Variants in SESN3 observed in about 807,000 individuals in gnomAD.
The protein encoded by SESN3 is sestrin 3.
SESN3 carries 21 observed loss-of-function variants against 55.3 expected under a neutral mutation model. The ratio of observed to expected loss-of-function variants is 0.38; its 90% CI spans 0.27 to 0.55. The LOEUF is 0.55. Among genes scored for constraint, SESN3 ranks in the 20% least tolerant of loss-of-function variants. The probability of loss-of-function intolerance (pLI) is 0.76; values close to 1 mark genes in which losing one functional copy is unlikely to be tolerated. For missense variants in SESN3, 408 were observed against 604.3 expected, an observed-to-expected ratio of 0.68 and a Z score of 3.41; for synonymous variants, 181 against 203.1, an observed-to-expected ratio of 0.89 and a Z score of 0.93.
At chr11:95,185,611 T>C (rs1003406501) in intron 4 of SESN3, 119 bp from the exon 5 acceptor site, 101 of 681,330 alleles carry the variant, frequency 1.5e-4, no homozygotes, top group Non-Finnish European at 2.2e-4. Flanking sequence ...TAAAACTCTC[T>C]TTTAAAAATG....
rs11021065 is a variant in SESN3, at chr11:95,175,494, G to T, written c.1392+4C>A. On this transcript the variant is annotated splice_donor_region_variant and intron_variant, in intron 9 of 9. Coordinates refer to ENST00000536441, the MANE Select transcript of SESN3 (RefSeq NM_144665.4). The stretch of plus-strand genomic sequence containing the variant: ...GGTATAATGCTTAATACTGAAACAC[G>T]TACTTTTTCTGAGTGTTTGAACTGC... 0.31 allele frequency: 495,673 copies of T among 1,609,750 alleles called. 78,154 individuals carry two copies. The highest frequency in any genetic ancestry group is 0.35 in the Admixed American group (20,736 of 59,946).
intron 6 of SESN3, among the ~76,000 whole-genome samples, chr11:95,183,629 C>A (rs1860096272): frequency 6.7e-6 from 1 of 149,708 alleles, no homozygotes; most frequent in South Asian, 2.1e-4. Context: ...TTGCAGTGAG[C>A]CAAGATCACG....
chr11:95,214,483 T>C (rs993142425), intron 1 of SESN3, among the ~76,000 whole-genome samples: 1 of 152,228 alleles, frequency 6.6e-6, no homozygotes, highest in African/African-American at 2.4e-5. Context: ...CTATGGTCCA[T>C]ATATAATACA....
intron 6 of SESN3, 77 bp downstream of exon 6, chr11:95,184,343 A>C: frequency 8.6e-7 from 1 of 1,164,130 alleles, no homozygotes; most frequent in Non-Finnish European, 1.3e-6. Context: ...ATTTTTACAT[A>C]TCCACATGGA....
intron 1 of SESN3, among the ~76,000 whole-genome samples, chr11:95,210,743 A>G (rs907308960): frequency 6.6e-6 from 1 of 152,236 alleles, no homozygotes; most frequent in Non-Finnish European, 1.5e-5. Context: ...TTATTCCAAT[A>G]TACTAGATTC....
At chr11:95,212,699 C>T (rs1040306805) in intron 1 of SESN3, among the ~76,000 whole-genome samples, 2 of 152,054 alleles carry the variant, frequency 1.3e-5, no homozygotes, top group African/African-American at 4.8e-5. Context: ...ATTGATATGA[C>T]AACATAAAAA....
chr11:95,222,896 CTG>C (rs1382705969), intron 1 of SESN3, among the ~76,000 whole-genome samples: 1 of 152,158 alleles, frequency 6.6e-6, no homozygotes, highest in Non-Finnish European at 1.5e-5. Flanking sequence ...TTTAAGGAAA[CTG>C]TTATGGGGAC....
chr11:95,200,554 C>A (rs1271065971), intron 1 of SESN3, among the ~76,000 whole-genome samples: 1 of 152,010 alleles, frequency 6.6e-6, no homozygotes, highest in Admixed American at 6.6e-5. Context: ...CAAGGAACCA[C>A]TGAGGATCAG....
At chr11:95,218,532 G>A (rs1448686699) in intron 1 of SESN3, among the ~76,000 whole-genome samples, 1 of 151,928 alleles carries the variant, frequency 6.6e-6, no homozygotes, top group Non-Finnish European at 1.5e-5. Flanking sequence ...CTGAAGGCCA[G>A]GAAAAGGTAA....
chr11:95,218,744 G>A (rs557532280), intron 1 of SESN3, among the ~76,000 whole-genome samples: 33 of 149,316 alleles, frequency 2.2e-4, no homozygotes, highest in Admixed American at 8.1e-4. Flanking sequence ...TCCGCCTCCC[G>A]GGTTCACGGC....
chr11:95,210,411 ATGGAAG>A (rs1265969144), intron 1 of SESN3, among the ~76,000 whole-genome samples: 1 of 152,214 alleles, frequency 6.6e-6, no homozygotes, highest in Non-Finnish European at 1.5e-5. Context: ...AAAATTGCTT[ATGGAAG>A]TGGTTACTGC....
At chr11:95,205,626 C>A (rs898805078) in intron 1 of SESN3, among the ~76,000 whole-genome samples, 2 of 152,132 alleles carry the variant, frequency 1.3e-5, no homozygotes, top group African/African-American at 4.8e-5. Context: ...TAGGTTGATA[C>A]TAGCAATCCA....
chr11:95,182,752 C>G (rs1591049840), intron 6 of SESN3, among the ~76,000 whole-genome samples: 1 of 152,264 alleles, frequency 6.6e-6, no homozygotes, highest in Admixed American at 6.5e-5. Context: ...CTCTACCTAC[C>G]TAACCAGATT....
chr11:95,193,078 T>C (rs1860297595), intron 2 of SESN3, among the ~76,000 whole-genome samples: 1 of 152,098 alleles, frequency 6.6e-6, no homozygotes, highest in Non-Finnish European at 1.5e-5. Context: ...ATAAGCAGGA[T>C]AGCTTCTCCA....
intron 2 of SESN3, 102 bp from the exon 3 acceptor site, chr11:95,191,703 A>C: frequency 2.6e-6 from 2 of 774,076 alleles, no homozygotes; most frequent in Non-Finnish European, 4.2e-6. Context: ...TATTCATTTG[A>C]TATTAACAGA....
At position 95,176,021 on chromosome 11, in the gene SESN3, A is replaced by G. The variant is rs186182977; in HGVS notation, c.1248-379T>C. 2.0e-5 allele frequency among the ~76,000 whole-genome samples: 3 copies of G among 152,356 alleles called. No homozygotes were observed. In the East Asian group the frequency reaches 5.8e-4, roughly 29 times the overall value. ...CAGGAAGGCTTCTCTGAAAGCCTTG[A>G]TATTTGAACAAATACCAGATGGTGG... On this transcript the variant is annotated intron_variant, in intron 8 of 9. Transcript: ENST00000536441.
chr11:95,216,969 G>T (rs1329374518), intron 1 of SESN3, among the ~76,000 whole-genome samples: 1 of 151,882 alleles, frequency 6.6e-6, no homozygotes, highest in African/African-American at 2.4e-5. Flanking sequence ...AGCTGGGTGT[G>T]GTGGTGCATG....
chr11:95,173,827 T>C (rs1227239957), intron 9 of SESN3, among the ~76,000 whole-genome samples: 1 of 152,170 alleles, frequency 6.6e-6, no homozygotes, highest in African/African-American at 2.4e-5. Flanking sequence ...TTGTTAGACA[T>C]ACATAGCTTC....
intron 5 of SESN3, 152 bp from the exon 6 acceptor site, chr11:95,184,746 A>G (rs1860131428): frequency 4.7e-6 from 3 of 634,112 alleles, no homozygotes; most frequent in South Asian, 2.3e-5. Flanking sequence ...AAAGGAAATC[A>G]TGACAGATTC....
Sources: allele counts gnomAD v4.1 joint callset (sites outside exome capture counted in the v4.1 genomes callset), GRCh38; gene constraint gnomAD v4.1.1; transcripts MANE v1.5; gene names NCBI Gene and HGNC (gene_info 2026-07-23, HGNC 2026-07-21).